Variants in TRHDE observed in about 807,000 individuals in gnomAD.
TRHDE encodes thyrotropin-releasing hormone-degrading ectoenzyme.
In TRHDE, 72 loss-of-function variants were observed where a neutral mutation model predicts 125.7. The observed-to-expected ratio is 0.57, with a 90% CI of 0.47 to 0.70. The LOEUF (loss-of-function observed/expected upper bound fraction) is 0.70, where lower values mean the gene tolerates loss of function less well. Among genes scored for constraint, TRHDE ranks in the 30% least tolerant of loss-of-function variants. The pLI is 0.00. For synonymous variants in TRHDE, 509 were observed against 509.1 expected (o/e 1.00, Z 0.00); for missense variants, 1,110 against 1,327.1 (o/e 0.84, Z 2.54).
chr12:72,144,077 C>G (rs1032371365), intron 2 of TRHDE, among the ~76,000 whole-genome samples: 2 of 152,174 alleles, frequency 1.3e-5, no homozygotes, highest in African/African-American at 4.8e-5. Context: ...ATTTTACTAG[C>G]AACTGTTCAC....
At position 72,247,313 on chromosome 12, in the gene TRHDE, A is replaced by T. The variant is rs554527164; in HGVS notation, n.280-130682A>T. Among the ~76,000 whole-genome samples, 4 of 152,316 alleles carry T rather than the reference A, an allele frequency of 2.6e-5. No homozygotes were observed. The South Asian group carries it at 8.3e-4, about 32-fold the overall frequency. Reference sequence around the variant, plus strand: ...AATTTTTGACCTTCTGCATGGTTTAATCCATGGATGTGGAACTCATGGATA... The same window carrying T: ...AATTTTTGACCTTCTGCATGGTTTATTCCATGGATGTGGAACTCATGGATA... On this transcript the variant is annotated intron_variant and non_coding_transcript_variant, in intron 2 of 4. Transcript: ENST00000548156.
At chr12:72,365,076 A>G (rs1468989189) in intron 2 of TRHDE, among the ~76,000 whole-genome samples, 1 of 152,096 alleles carries the variant, frequency 6.6e-6, no homozygotes, top group Non-Finnish European at 1.5e-5. Flanking sequence ...CAAATGTTGG[A>G]TCTGACTTAT....
chr12:72,497,474 T>C (rs1040998829), intron 5 of TRHDE, among the ~76,000 whole-genome samples: 5 of 152,176 alleles, frequency 3.3e-5, no homozygotes, highest in African/African-American at 1.2e-4. Context: ...TCACTTTACC[T>C]GGTTGTTTTA....
chr12:72,122,817 G>A (rs1038060542), intron 2 of TRHDE, among the ~76,000 whole-genome samples: 1 of 151,858 alleles, frequency 6.6e-6, no homozygotes, highest in African/African-American at 2.4e-5. Context: ...TATTCACAAG[G>A]AGCTCCAAAC....
At chr12:72,578,110 T>A (rs922186024) in intron 12 of TRHDE, among the ~76,000 whole-genome samples, 1 of 152,184 alleles carries the variant, frequency 6.6e-6, no homozygotes, top group Non-Finnish European at 1.5e-5. Flanking sequence ...ACTCTTTGGC[T>A]TCTTTAAAGA....
chr12:72,626,408 T>G (rs563599801), intron 15 of TRHDE, among the ~76,000 whole-genome samples: 1 of 151,982 alleles, frequency 6.6e-6, no homozygotes, highest in South Asian at 2.1e-4. Flanking sequence ...TAGTGGGTCG[T>G]GTGAATTTTA....
intron 2 of TRHDE, among the ~76,000 whole-genome samples, chr12:72,245,609 G>T (rs542910704): frequency 6.6e-6 from 1 of 151,750 alleles, no homozygotes; most frequent in Non-Finnish European, 1.5e-5. Context: ...TTTACAAAAG[G>T]TTCACCTTTA....
intron 2 of TRHDE, among the ~76,000 whole-genome samples, chr12:72,318,675 C>G (rs1400262659): frequency 6.6e-6 from 1 of 151,952 alleles, no homozygotes; most frequent in Non-Finnish European, 1.5e-5. Flanking sequence ...TTTTTATATC[C>G]TGGCTCCATT....
intron 2 of TRHDE, among the ~76,000 whole-genome samples, chr12:72,224,154 G>T (rs12816219): frequency 1.3e-4 from 5 of 37,642 alleles, no homozygotes; most frequent in East Asian, 6.1e-4. Flanking sequence ...ATCTATGTAT[G>T]TATGTATGTA....
intron 1 of TRHDE, among the ~76,000 whole-genome samples, chr12:72,095,934 G>C (rs941057076): frequency 6.6e-6 from 1 of 152,148 alleles, no homozygotes; most frequent in African/African-American, 2.4e-5. Flanking sequence ...CCTCCAATCA[G>C]TTGAAGGGCT....
At chr12:72,152,111 C>G (rs1378604471) in intron 2 of TRHDE, among the ~76,000 whole-genome samples, 5 of 151,608 alleles carry the variant, frequency 3.3e-5, no homozygotes, top group South Asian at 2.1e-4. Flanking sequence ...AGGTCCTTCA[C>G]ATCCCTTGTA....
At chr12:72,577,759 A>G (rs1437027203) in intron 12 of TRHDE, among the ~76,000 whole-genome samples, 2 of 152,150 alleles carry the variant, frequency 1.3e-5, no homozygotes, top group Non-Finnish European at 2.9e-5. Context: ...CTTCTTCCCT[A>G]AGACAGAACA....
rs1375645291 is a variant in TRHDE at position 72,621,197 on chromosome 12, C to T, written c.2559C>T (p.Tyr853=). The part of the protein sequence containing the change: ...NFNGSLVQAS[Y]QHEELRREVI... The stretch of plus-strand genomic sequence containing the variant: ...ATGGATCTCTTGTTCAAGCATCCTA[C>T]CAACATGAGTACTGTTTTATTTTCT... The change falls in exon 14 of 19, where the codon TAC becomes TAT. Residue 853 remains tyrosine, a synonymous_variant. Coordinates refer to ENST00000261180, the MANE Select transcript of TRHDE (RefSeq NM_013381.3). 1.2e-6 allele frequency: 2 copies of T among 1,603,572 alleles called. No homozygotes were observed. Among genetic ancestry groups the T allele is most frequent in the East Asian group, 2.2e-5 (1 of 44,762 alleles).
At chr12:72,093,499 T>C (rs1453041526) in intron 1 of TRHDE, among the ~76,000 whole-genome samples, 1 of 152,110 alleles carries the variant, frequency 6.6e-6, no homozygotes, top group Non-Finnish European at 1.5e-5. Context: ...CCCTAAACTT[T>C]TTTACTCCTT....
intron 6 of TRHDE, among the ~76,000 whole-genome samples, chr12:72,499,978 ATT>A (rs1263674306): frequency 6.6e-6 from 1 of 152,192 alleles, no homozygotes; most frequent in Admixed American, 6.5e-5. Context: ...TGACAAATTA[ATT>A]TTCACCAATG....
At chr12:72,197,974 C>T (rs1877478201) in intron 2 of TRHDE, among the ~76,000 whole-genome samples, 1 of 151,826 alleles carries the variant, frequency 6.6e-6, no homozygotes, top group Non-Finnish European at 1.5e-5. Context: ...CTCATTTTCC[C>T]CTCCTTGTGG....
At chr12:72,184,082 A>T (rs1877152380) in intron 2 of TRHDE, among the ~76,000 whole-genome samples, 1 of 152,240 alleles carries the variant, frequency 6.6e-6, no homozygotes, top group Non-Finnish European at 1.5e-5. Flanking sequence ...AAATGTAGGC[A>T]AGTAGGGAAA....
intron 3 of TRHDE, among the ~76,000 whole-genome samples, chr12:72,411,202 CAAAAAAAA>C (rs561779856): frequency 1.7e-5 from 1 of 59,630 alleles, no homozygotes; most frequent in African/African-American, 5.2e-5. Flanking sequence ...GACTCCATTT[CAAAAAAAA>C]AAAAAAAAAA....
chr12:72,622,945 T>C (rs558572589), intron 15 of TRHDE, among the ~76,000 whole-genome samples: 1 of 152,136 alleles, frequency 6.6e-6, no homozygotes, highest in African/African-American at 2.4e-5. Flanking sequence ...TGATCTATCA[T>C]ATATTTGAAG....
Sources: allele counts gnomAD v4.1 joint callset (sites outside exome capture counted in the v4.1 genomes callset), GRCh38; gene constraint gnomAD v4.1.1; transcripts MANE v1.5; gene names NCBI Gene and HGNC (gene_info 2026-07-23, HGNC 2026-07-21).